The following NIPAL3 variants were observed in gnomAD, a reference collection of about 807,000 sequenced individuals.
NIPAL3 encodes NIPA like domain containing 3.
NIPAL3 carries 41 observed loss-of-function variants against 47.2 expected under a neutral mutation model. The observed-to-expected ratio is 0.87, with a 90% confidence interval of 0.68 to 1.13. The LOEUF (loss-of-function observed/expected upper bound fraction) is 1.13, where lower values mean the gene tolerates loss of function less well. Ranked by LOEUF, NIPAL3 falls within the 50% of genes most tolerant of loss-of-function variation. NIPAL3 has a pLI of 0.00. For synonymous variants in NIPAL3, 194 were observed against 209.6 expected (o/e 0.93, Z 0.64); for missense variants, 449 against 530.1 (o/e 0.85, Z 1.50).
rs971843988 is a variant in NIPAL3, at chr1:24,449,999, A to G, written c.540+373A>G. On this transcript the variant is annotated intron_variant, in intron 6 of 11. Transcript: ENST00000374399. This position sits in a 1 kb window ranked among gnomAD's most constrained non-coding sequence, Gnocchi z 4.5. Reference sequence around the variant, plus strand: ...AATGTTCACAGCAACATTATTTTTTATAACTCCAGGCTGGAGACTCCTCAA... The same window carrying G: ...AATGTTCACAGCAACATTATTTTTTGTAACTCCAGGCTGGAGACTCCTCAA... Among the ~76,000 whole-genome samples, 1 of 152,224 alleles carries G rather than the reference A, an allele frequency of 6.6e-6. No homozygotes were observed. Among genetic ancestry groups the G allele is most frequent in the African/African-American group, 2.4e-5 (1 of 41,462 alleles).
intron 3 of NIPAL3, 93 bp downstream of exon 3, chr1:24,440,333 G>A (rs1645319005): frequency 2.1e-6 from 2 of 968,548 alleles, no homozygotes; most frequent in Non-Finnish European, 2.9e-6. Context: ...TCTCTGCAGG[G>A]CCTTGCCTAC....
intron 2 of NIPAL3, among the ~76,000 whole-genome samples, chr1:24,428,069 G>T (rs981088187): frequency 6.6e-6 from 1 of 152,096 alleles, no homozygotes; most frequent in Non-Finnish European, 1.5e-5. Flanking sequence ...GTGAAACACC[G>T]TCTCTACTAA....
At position 24,440,366 on chromosome 1, in the gene NIPAL3, G is replaced by T. The variant is rs919438773; in HGVS notation, c.162+126G>T. 23 of 611,030 alleles carry T rather than the reference G, an allele frequency of 3.8e-5. No individual in the cohort carries two copies. The African/African-American group carries it at 4.4e-4, about 12-fold the overall frequency. The allele number at this position is 611,030 out of a possible 1,614,324, so 37.9% of individuals were successfully genotyped here. On this transcript the variant is annotated intron_variant, in intron 3 of 11. Coordinates refer to ENST00000374399, the MANE Select transcript of NIPAL3 (RefSeq NM_020448.5). ...TACTGCATCCCTGGGCTGCACCTGG[G>T]ACAATACCTTGTGGGCCGTTCCAGG...
chr1:24,466,538 A>T (rs1421169902), intron 11 of NIPAL3, among the ~76,000 whole-genome samples: 1 of 152,204 alleles, frequency 6.6e-6, no homozygotes, highest in Non-Finnish European at 1.5e-5. Flanking sequence ...GCTTCCTGAC[A>T]GCATCCAACC....
chr1:24,429,064 C>G (rs549188272), intron 2 of NIPAL3, among the ~76,000 whole-genome samples: 1 of 152,294 alleles, frequency 6.6e-6, no homozygotes, highest in African/African-American at 2.4e-5. Context: ...AAAATAGCAG[C>G]TACCAGTTAT....
At chr1:24,452,973 G>A (rs1474765117) in intron 6 of NIPAL3, among the ~76,000 whole-genome samples, 1 of 151,618 alleles carries the variant, frequency 6.6e-6, no homozygotes, top group Non-Finnish European at 1.5e-5. Flanking sequence ...AAGTGCTAGG[G>A]TTACAGGTGT....
intron 5 of NIPAL3, among the ~76,000 whole-genome samples, 165 bp downstream of exon 5, chr1:24,445,409 G>T (rs1264928532): frequency 6.6e-6 from 1 of 152,126 alleles, no homozygotes; most frequent in South Asian, 2.1e-4. Context: ...TTAATCAGGG[G>T]TTCTCAAGCC....
intron 2 of NIPAL3, among the ~76,000 whole-genome samples, chr1:24,427,602 A>G (rs1644654203): frequency 6.6e-6 from 1 of 152,086 alleles, no homozygotes; most frequent in Non-Finnish European, 1.5e-5. Context: ...TTTGAAGGAC[A>G]CTTCACAGAA....
At chr1:24,447,428 A>G (rs1006268881) in intron 5 of NIPAL3, among the ~76,000 whole-genome samples, 1 of 152,114 alleles carries the variant, frequency 6.6e-6, no homozygotes, top group African/African-American at 2.4e-5. Flanking sequence ...TTAAAACAGA[A>G]CTTCAGGGAG....
chr1:24,453,411 G>A lies in NIPAL3; in HGVS notation c.544G>A (p.Val182Met), dbSNP rs1433962009. The A allele has an allele frequency of 1.9e-6, 3 of 1,612,842 alleles. No homozygotes were observed. The highest frequency in any genetic ancestry group is 2.5e-6 in the Non-Finnish European group (3 of 1,179,300). Residue 182 changes from valine (V) to methionine (M), a missense_variant, in exon 7 of 12, where the codon GTG becomes ATG. Val to Met is a conservative substitution (Grantham distance 21, BLOSUM62 1). Transcript: ENST00000374399. ...CCCTGCTTGCTGCCTTCCACAGCTG[G>A]TGGAGATCATTCTGTTCTGCTTGCT... ...VSWPFLLYML[V>M]EIILFCLLLY... is the part of the protein sequence containing the mutation.
Position 24,454,565 on chromosome 1 carries a change from G to A in NIPAL3, c.637+1061G>A. On this transcript the variant is annotated intron_variant, in intron 7 of 11. Coordinates refer to ENST00000374399, the MANE Select transcript of NIPAL3 (RefSeq NM_020448.5). The surrounding 1 kb of genome is among the most constrained non-coding windows in gnomAD (Gnocchi z 4.1). ...CTTAATTTTTTAACAGCTCTGTTGA[G>A]ATATAATTTACATACCATAAAGTTC... The A allele has an allele frequency of 1.0e-6, 1 of 984,384 alleles. No homozygotes were observed. Among genetic ancestry groups the A allele is most frequent in the Non-Finnish European group, 1.2e-6 (1 of 828,376 alleles). The allele number at this position is 984,384 out of a possible 1,614,324, so 61.0% of individuals were successfully genotyped here.
intron 9 of NIPAL3, among the ~76,000 whole-genome samples, 181 bp downstream of exon 9, chr1:24,459,157 T>C (rs1382832740): frequency 6.6e-6 from 1 of 152,202 alleles, no homozygotes; most frequent in Non-Finnish European, 1.5e-5. Context: ...CAGACGCACA[T>C]CAGCTCTGCA....
intron 3 of NIPAL3, among the ~76,000 whole-genome samples, chr1:24,441,562 A>G (rs1400073574): frequency 6.6e-6 from 1 of 152,154 alleles, no homozygotes; most frequent in Non-Finnish European, 1.5e-5. Flanking sequence ...TGATACCCAC[A>G]CAACTGCCCA....
At chr1:24,441,824 G>C (rs1645400523) in intron 3 of NIPAL3, among the ~76,000 whole-genome samples, 1 of 152,084 alleles carries the variant, frequency 6.6e-6, no homozygotes, top group South Asian at 2.1e-4. Context: ...TTTTGACAGA[G>C]CTTCTCAGGG....
intron 11 of NIPAL3, among the ~76,000 whole-genome samples, chr1:24,468,479 C>T (rs1352705237): frequency 6.6e-6 from 1 of 152,214 alleles, no homozygotes; most frequent in African/African-American, 2.4e-5. Context: ...AAGCAAATCT[C>T]ACCTTCCCCT....
chr1:24,417,711 A>G (rs1289401397), intron 1 of NIPAL3, among the ~76,000 whole-genome samples: 1 of 152,234 alleles, frequency 6.6e-6, no homozygotes, highest in Admixed American at 6.5e-5. Context: ...AGCTGTCCCT[A>G]TGCTAAACCT....
intron 2 of NIPAL3, among the ~76,000 whole-genome samples, chr1:24,431,522 T>A (rs1014300029): frequency 6.6e-6 from 1 of 152,162 alleles, no homozygotes; most frequent in Non-Finnish European, 1.5e-5. Flanking sequence ...TTTCTATCTT[T>A]TTAAAATTTA....
intron 8 of NIPAL3, among the ~76,000 whole-genome samples, chr1:24,457,204 C>A (rs1646254104): frequency 6.6e-6 from 1 of 152,194 alleles, no homozygotes; most frequent in Admixed American, 6.5e-5. Flanking sequence ...GTTGTCATTT[C>A]TTGACTTCAG....
At chr1:24,421,590 A>G (rs924208512) in intron 2 of NIPAL3, among the ~76,000 whole-genome samples, 3 of 152,244 alleles carry the variant, frequency 2.0e-5, no homozygotes, top group African/African-American at 7.2e-5. Flanking sequence ...CATTTATTCT[A>G]TCCCAGGTAC....
Sources: allele counts gnomAD v4.1 joint callset (sites outside exome capture counted in the v4.1 genomes callset), GRCh38; gene constraint gnomAD v4.1.1; non-coding constraint Gnocchi (gnomAD v3.1); transcripts MANE v1.5; gene names NCBI Gene and HGNC (gene_info 2026-07-23, HGNC 2026-07-21).